Variants in EGFL6 observed in about 807,000 individuals in gnomAD.
The protein encoded by EGFL6 is EGF like domain multiple 6, also known as epidermal growth factor-like protein 6.
In EGFL6, 42 loss-of-function variants were observed where a neutral mutation model predicts 43.1. The observed-to-expected ratio is 0.98, with a 90% CI of 0.76 to 1.26. The LOEUF is 1.26. EGFL6 is among the 50% of genes most tolerant of loss of function. The probability of loss-of-function intolerance (pLI) is 0.00; values close to 1 mark genes in which losing one functional copy is unlikely to be tolerated. For missense variants in EGFL6, 429 were observed against 427.8 expected (o/e 1.00, Z -0.02); for synonymous variants, 164 against 163.2 (o/e 1.01, Z -0.04).
At chrX:13,626,712 G>T (rs1364953298) in intron 10 of EGFL6, among the ~76,000 whole-genome samples, 1 of 112,298 alleles carries the variant, frequency 8.9e-6, no homozygotes. Flanking sequence ...CAGATTACCT[G>T]CAGTGCTAAA....
Position 13,619,269 on chromosome X carries a change from A to G in EGFL6, c.1183+26A>G, listed in dbSNP as rs751895906. On this transcript the variant is annotated intron_variant, in intron 9 of 11. Coordinates refer to ENST00000361306, the MANE Select transcript of EGFL6 (RefSeq NM_015507.4). ...GTAAATAATTCTTTCTCCCAAGTGT[A>G]TGCTCTTTCATGTTGTCCTGGTCGT... The G allele has an allele frequency of 1.2e-5, 13 of 1,116,771 alleles. No individual in the cohort carries two copies. The South Asian group carries it at 1.8e-4, about 16-fold the overall frequency. 92.0% of individuals were successfully genotyped at this position (1,116,771 alleles called of 1,213,427 possible). A position where few individuals can be genotyped will look rare whatever the true frequency, so the allele number is the denominator to read the frequency against.
rs2045661577 is a variant in EGFL6, at chrX:13,606,501, T to C, written c.643T>C (p.Tyr215His). The C allele has an allele frequency of 8.3e-7, 1 of 1,209,734 alleles. No individual in the cohort carries two copies. Among genetic ancestry groups the C allele is most frequent in the Non-Finnish European group, 1.1e-6 (1 of 894,887 alleles). ...GFELQYISGRYDCIDINECTM... is the reference protein window; with the variant it reads ...GFELQYISGRHDCIDINECTM... ...CGAACTGCAATATATCAGTGGACGATATGACTGTATAGGTAAGATTCGATG... is the reference window on the plus strand; with the variant it reads ...CGAACTGCAATATATCAGTGGACGACATGACTGTATAGGTAAGATTCGATG... Residue 215 changes from tyrosine (Y) to histidine (H), a missense_variant, in exon 6 of 12, where the codon TAT becomes CAT. Coordinates refer to ENST00000361306, the MANE Select transcript of EGFL6 (RefSeq NM_015507.4).
chrX:13,600,280 CT>C (rs1231725425), intron 4 of EGFL6, among the ~76,000 whole-genome samples, 186 bp downstream of exon 4: 19 of 44,274 alleles, frequency 4.3e-4, no homozygotes, highest in Middle Eastern at 0.022. Flanking sequence ...TTTCTTTCTT[CT>C]TTTTTTTTTT....
chrX:13,612,236 A>C (rs2146700942), intron 7 of EGFL6, among the ~76,000 whole-genome samples: 1 of 108,943 alleles, frequency 9.2e-6, no homozygotes, highest in African/African-American at 3.3e-5. Flanking sequence ...GAGATTAGGG[A>C]GTGGTGATGA....
intron 1 of EGFL6, among the ~76,000 whole-genome samples, chrX:13,572,068 G>A (rs964116195): frequency 4.5e-5 from 5 of 112,094 alleles, no homozygotes; most frequent in South Asian, 3.7e-4. Flanking sequence ...CACAATTAAC[G>A]CTCATCAAAT....
chrX:13,612,188 C>T (rs1240133294), intron 7 of EGFL6, among the ~76,000 whole-genome samples: 2 of 110,348 alleles, frequency 1.8e-5, no homozygotes, highest in Non-Finnish European at 3.8e-5. Context: ...GGCAGAGGAC[C>T]CTGCGGCCTT....
chrX:13,600,181 G>C (rs1277962221), intron 4 of EGFL6, 87 bp downstream of exon 4: 2 of 937,636 alleles, frequency 2.1e-6, no homozygotes, highest in Non-Finnish European at 2.8e-6. Context: ...TGACTTCAGT[G>C]ATTTTTTAAA....
intron 1 of EGFL6, among the ~76,000 whole-genome samples, chrX:13,588,684 G>C (rs542712465): frequency 5.4e-5 from 6 of 111,027 alleles, no homozygotes; most frequent in African/African-American, 1.6e-4. Flanking sequence ...AACAGCCCAT[G>C]AGCGAAGAAC....
rs200954240 is a variant in EGFL6 at position 13,627,047 on chromosome X, G to A, written c.1322G>A (p.Gly441Asp). The stretch of plus-strand genomic sequence containing the variant: ...TATATGGCAGTTCCGGCCTTGGCAG[G>A]TCACAAGAAAGACATTGGCCGATTG... ...GFYMAVPALA[G>D]HKKDIGRLKL... Residue 441 changes from glycine to aspartate, a missense_variant, in exon 11 of 12, where the codon GGT becomes GAT. Gly to Asp is a moderately conservative substitution (Grantham distance 94). Transcript: ENST00000361306. 1.7e-6 allele frequency: 2 copies of A among 1,212,115 alleles called. No homozygotes were observed. The highest frequency in any genetic ancestry group is 2.2e-6 in the Non-Finnish European group (2 of 895,607).
chrX:13,575,050 A>C (rs2045464039), intron 1 of EGFL6: 1 of 115,578 alleles, frequency 8.7e-6, no homozygotes, highest in Non-Finnish European at 1.8e-5. Context: ...ATGCCATAAC[A>C]GGCTGGTGAA....
chrX:13,589,729 A>G (rs1251361085), intron 2 of EGFL6, 61 bp downstream of exon 2: 5 of 1,004,236 alleles, frequency 5.0e-6, no homozygotes, highest in East Asian at 3.2e-5. Flanking sequence ...TTTATCTGTC[A>G]TACCATGAAC....
intron 11 of EGFL6, among the ~76,000 whole-genome samples, chrX:13,627,477 G>A (rs902199959): frequency 3.6e-5 from 4 of 111,939 alleles, no homozygotes; most frequent in African/African-American, 9.8e-5. Context: ...TCTGGCGTAT[G>A]CATATCACGT....
intron 7 of EGFL6, among the ~76,000 whole-genome samples, chrX:13,609,386 A>G (rs1006306044): frequency 4.4e-5 from 5 of 112,603 alleles, no homozygotes; most frequent in Non-Finnish European, 9.4e-5. Context: ...AATACCAGGA[A>G]TGTCTTCCAA....
intron 7 of EGFL6, among the ~76,000 whole-genome samples, chrX:13,611,460 A>G (rs1460534517): frequency 8.9e-6 from 1 of 112,102 alleles, no homozygotes; most frequent in East Asian, 2.8e-4. Flanking sequence ...TCACCCCCAC[A>G]TACTCACTCT....
chrX:13,582,762 A>G (rs747093374), intron 1 of EGFL6, among the ~76,000 whole-genome samples: 10 of 111,597 alleles, frequency 9.0e-5, no homozygotes, highest in Non-Finnish European at 1.9e-4. Context: ...TCTTCTGGTA[A>G]CTGTCTCCTG....
chrX:13,606,285 C>T, intron 5 of EGFL6, 94 bp from the exon 6 acceptor site: 1 of 974,482 alleles, frequency 1.0e-6, no homozygotes, highest in Non-Finnish European at 1.4e-6. Context: ...TATCAGTTTC[C>T]CAGATAAAGA....
At chrX:13,604,496 A>G (rs1027007643) in intron 5 of EGFL6, among the ~76,000 whole-genome samples, 1 of 111,226 alleles carries the variant, frequency 9.0e-6, no homozygotes, top group African/African-American at 3.3e-5. Flanking sequence ...GTCGGGAGCA[A>G]AGCACAATGT....
chrX:13,587,553 A>T (rs769922688), intron 1 of EGFL6, among the ~76,000 whole-genome samples: 1 of 111,654 alleles, frequency 9.0e-6, no homozygotes, highest in Non-Finnish European at 1.9e-5. Context: ...AACTGTAGTC[A>T]CCCTGCTGTG....
At chrX:13,618,260 G>A (rs1433162636) in intron 8 of EGFL6, among the ~76,000 whole-genome samples, 1 of 111,782 alleles carries the variant, frequency 8.9e-6, no homozygotes, top group African/African-American at 3.3e-5. Context: ...ACCAAGGAGG[G>A]GAAGTCCTGT....
Sources: gnomAD v4.1 joint callset for allele counts (sites outside exome capture counted in the v4.1 genomes callset) on GRCh38, gnomAD v4.1.1 for gene constraint, MANE v1.5 for transcripts, NCBI Gene and HGNC (gene_info 2026-07-23, HGNC 2026-07-21) for gene names.